The following ALG13 variants were observed in gnomAD, a reference collection of about 807,000 sequenced individuals.
The protein encoded by ALG13 is ALG13 UDP-N-acetylglucosaminyltransferase subunit.
ALG13 carries 11 observed loss-of-function variants against 87.8 expected under a neutral mutation model. The observed-to-expected ratio is 0.13, with a 90% CI of 0.08 to 0.21. ALG13 has a LOEUF of 0.21. ALG13 is among the 10% of genes least tolerant of loss of function. The pLI is 1.00. For synonymous variants in ALG13, 320 were observed against 306.3 expected (o/e 1.04, Z -0.47); for missense variants, 756 against 866.1 (o/e 0.87, Z 1.60).
intron 5 of ALG13, among the ~76,000 whole-genome samples, chrX:111,710,783 G>A (rs1057256880): frequency 4.5e-5 from 5 of 111,845 alleles, no homozygotes; most frequent in African/African-American, 6.5e-5. Flanking sequence ...TGTAAGCTCC[G>A]CCTCCTGGGT....
chrX:111,709,025 G>T lies in ALG13; in HGVS notation c.811G>T (p.Glu271Ter). 8.5e-7 allele frequency: 1 copy of T among 1,177,775 alleles called. No individual in the cohort carries two copies. Among genetic ancestry groups the T allele is most frequent in the South Asian group, 1.9e-5 (1 of 53,938 alleles). ...GAAGGCTTGTGTCTCATATATGAGG[G>T]AAAATCAACAAACTTTTGAGTCTGT... is the stretch of plus-strand genomic sequence containing the variant. ...IRKACVSYMR[E>*]NQQTFESYVE... The change falls in exon 5 of 27, where the codon GAA becomes TAA. Residue 271 changes from glutamate to a stop codon, truncating the protein, a stop_gained. Transcript: ENST00000394780. LOFTEE classifies it high-confidence loss of function.
At chrX:111,759,534 A>G (rs1425835298) in intron 26 of ALG13, among the ~76,000 whole-genome samples, 200 bp from the exon 27 acceptor site, 1 of 111,690 alleles carries the variant, frequency 9.0e-6, no homozygotes, top group Non-Finnish European at 1.9e-5. Flanking sequence ...TGACACATAT[A>G]TTTCACAGTT....
chrX:111,716,379 G>A, intron 8 of ALG13, among the ~76,000 whole-genome samples: 1 of 111,884 alleles, frequency 8.9e-6, no homozygotes, highest in South Asian at 3.7e-4. Flanking sequence ...AAATTATATA[G>A]TTGTCTGTCT....
chrX:111,705,281 TTGG>T (rs1449203144), intron 3 of ALG13, among the ~76,000 whole-genome samples: 1 of 112,197 alleles, frequency 8.9e-6, no homozygotes, highest in African/African-American at 3.2e-5. Flanking sequence ...TCTTATATCT[TTGG>T]TGAAATGTGT....
At chrX:111,713,453 C>G (rs1940114150) in intron 8 of ALG13, among the ~76,000 whole-genome samples, 156 bp downstream of exon 8, 1 of 111,784 alleles carries the variant, frequency 8.9e-6, no homozygotes, top group African/African-American at 3.3e-5. Flanking sequence ...GTCAGTTAAT[C>G]TCAGTGTTGT....
intron 19 of ALG13, among the ~76,000 whole-genome samples, chrX:111,729,193 C>T (rs1262044164): frequency 1.8e-5 from 2 of 111,174 alleles, no homozygotes; most frequent in Non-Finnish European, 3.8e-5. Flanking sequence ...GAATCGTATA[C>T]ACACACATAG....
intron 3 of ALG13, chrX:111,690,435 AT>A: frequency 1.4e-6 from 1 of 733,754 alleles, no homozygotes; most frequent in Non-Finnish European, 1.6e-6. Context: ...GACCTTGGGA[AT>A]TAAGGATTTT....
chrX:111,728,752 C>G (rs1172369828), intron 19 of ALG13, among the ~76,000 whole-genome samples: 1 of 110,505 alleles, frequency 9.0e-6, no homozygotes, highest in Non-Finnish European at 1.9e-5. Context: ...ATAAACATTA[C>G]TCTTTATTGA....
chrX:111,688,265 A>C (rs1308591139), intron 3 of ALG13: 2 of 761,063 alleles, frequency 2.6e-6, no homozygotes, highest in East Asian at 2.6e-4. Context: ...TCTCAAGTGG[A>C]ATTGGAATCA....
chrX:111,757,453 A>C (rs959866439), intron 25 of ALG13, 135 bp from the exon 26 acceptor site: 14 of 442,524 alleles, frequency 3.2e-5, no homozygotes, highest in African/African-American at 2.3e-4. Context: ...AGGTCAAAAA[A>C]GTCATTGCTA....
At chrX:111,730,272 G>A in intron 19 of ALG13, 123 bp from the exon 20 acceptor site, 1 of 539,774 alleles carries the variant, frequency 1.9e-6, no homozygotes. Flanking sequence ...CAGGATGTAT[G>A]CATTTTAGTT....
intron 3 of ALG13, chrX:111,689,839 T>C (rs906145608): frequency 1.3e-6 from 1 of 751,782 alleles, no homozygotes; most frequent in African/African-American, 2.3e-5. Flanking sequence ...TTTTAGTTAC[T>C]CGAATTCCTT....
At chrX:111,732,407 T>C (rs1003161485) in intron 21 of ALG13, among the ~76,000 whole-genome samples, 1 of 112,355 alleles carries the variant, frequency 8.9e-6, no homozygotes, top group African/African-American at 3.2e-5. Flanking sequence ...GCTAATGTTA[T>C]ATAGTTCAAT....
rs189153959 is a variant in ALG13, at chrX:111,699,025, T to C, written c.384-9002T>C. On this transcript the variant is annotated intron_variant, in intron 3 of 26. Coordinates refer to ENST00000394780, the MANE Select transcript of ALG13 (RefSeq NM_001099922.3). ...TCTGCATCCTTGCCAACACTTGTTA[T>C]CTTTCATCATTTTAAATAAAAACCA... Among the ~76,000 whole-genome samples, 335 of 112,329 alleles carry C rather than the reference T, an allele frequency of 3.0e-3. 1 individual carries two copies. Among genetic ancestry groups the C allele is most frequent in the Non-Finnish European group, 3.9e-3 (208 of 53,237 alleles).
chrX:111,710,518 G>A (rs950428764), intron 5 of ALG13, among the ~76,000 whole-genome samples: 2 of 111,207 alleles, frequency 1.8e-5, no homozygotes, highest in African/African-American at 6.6e-5. Flanking sequence ...TAAAACTCTA[G>A]AAAAAATACA....
intron 14 of ALG13, among the ~76,000 whole-genome samples, chrX:111,724,594 T>TA (rs1204500167): frequency 3.6e-5 from 4 of 112,191 alleles, no homozygotes; most frequent in Non-Finnish European, 3.8e-5. Context: ...TGCTGAATCT[T>TA]AAAATGTCTC....
chrX:111,713,186 A>G (rs1569516397), intron 7 of ALG13, 39 bp from the exon 8 acceptor site: 2 of 996,110 alleles, frequency 2.0e-6, no homozygotes, highest in South Asian at 2.0e-5. Context: ...ACGTATGCCA[A>G]ATTATGTCTT....
intron 25 of ALG13, chrX:111,753,258 C>A (rs1944918652): frequency 8.8e-6 from 1 of 113,067 alleles, no homozygotes; most frequent in South Asian, 3.6e-4. Flanking sequence ...CCAATGAGAA[C>A]AAAGACACAA....
rs183321417 is a variant in ALG13 at position 111,701,497 on chromosome X, T to C, written c.384-6530T>C. Among the ~76,000 whole-genome samples the C allele has an allele frequency of 1.6e-3, 175 of 112,178 alleles. 1 individual carries two copies. The highest frequency in any genetic ancestry group is 5.3e-3 in the African/African-American group (164 of 30,959). ...ATCCAATTTGTTGGCGTATAATTGT[T>C]TATAGTAGTTTCTTGTGATCCTTTG... On this transcript the variant is annotated intron_variant, in intron 3 of 26. Transcript: ENST00000394780.
Sources: gnomAD v4.1 joint callset for allele counts (sites outside exome capture counted in the v4.1 genomes callset) on GRCh38, gnomAD v4.1.1 for gene constraint, MANE v1.5 for transcripts, NCBI Gene and HGNC (gene_info 2026-07-23, HGNC 2026-07-21) for gene names.